CMKLR1: variants seen among roughly 807,000 people sequenced by gnomAD.
CMKLR1 encodes chemerin chemokine-like receptor 1.
A neutral mutation model predicts 8.2 loss-of-function variants in CMKLR1; 6 were observed. The ratio of observed to expected loss-of-function variants is 0.73; its 90% CI spans 0.40 to 1.44. CMKLR1 has a LOEUF of 1.44. Among genes scored for constraint, CMKLR1 ranks in the 40% most tolerant of loss-of-function variants. The pLI is 0.02. For synonymous variants in CMKLR1, 178 were observed against 181.2 expected (o/e 0.98, Z 0.14); for missense variants, 429 against 478.0 (o/e 0.90, Z 0.96).
rs534449753 is a variant in CMKLR1, at chr12:108,291,540, G to A, written c.*301C>T. 3 of 366,278 alleles carry A rather than the reference G, an allele frequency of 8.2e-6. No individual in the cohort carries two copies. The South Asian group carries it at 9.5e-5, about 12-fold the overall frequency. 22.7% of individuals were successfully genotyped at this position (366,278 alleles called of 1,614,324 possible). A position where few individuals can be genotyped will look rare whatever the true frequency, so the allele number is the denominator to read the frequency against. ...AGGCAGCTTAATCCCACCGCCCTAT[G>A]CCAATCCCAGTTCATGGCAATGCTT... On this transcript the variant is annotated 3_prime_UTR_variant, in exon 4 of 4. Coordinates refer to ENST00000550402, the MANE Select transcript of CMKLR1 (RefSeq NM_001142343.2).
chr12:108,296,604 T>A (rs1208642701), intron 2 of CMKLR1, among the ~76,000 whole-genome samples: 1 of 152,080 alleles, frequency 6.6e-6, no homozygotes, highest in Non-Finnish European at 1.5e-5. Context: ...GGTGGGAGGA[T>A]TACTTGAGGC....
chr12:108,299,317 C>G (rs1039330135), intron 2 of CMKLR1, among the ~76,000 whole-genome samples: 3 of 152,236 alleles, frequency 2.0e-5, no homozygotes, highest in African/African-American at 4.8e-5. Context: ...TCTTGACCAA[C>G]ACATTTGCTA....
At chr12:108,296,302 C>A (rs1891133085) in intron 2 of CMKLR1, among the ~76,000 whole-genome samples, 1 of 152,238 alleles carries the variant, frequency 6.6e-6, no homozygotes, top group African/African-American at 2.4e-5. Flanking sequence ...AATAATAGCT[C>A]CTGCCTCATA....
chr12:108,336,363 G>A (rs554863574), intron 1 of CMKLR1, among the ~76,000 whole-genome samples: 15 of 152,210 alleles, frequency 9.9e-5, no homozygotes, highest in African/African-American at 2.2e-4. Flanking sequence ...TGGCTAATAC[G>A]GTGAAACCCC....
At chr12:108,299,065 A>G (rs776931745) in intron 2 of CMKLR1, among the ~76,000 whole-genome samples, 3 of 152,234 alleles carry the variant, frequency 2.0e-5, no homozygotes, top group Admixed American at 6.5e-5. Context: ...CCCACCCCGC[A>G]TGCTGTGCAG....
In CMKLR1 at chr12:108,333,285, C is replaced by T. The variant is rs1273923760; in HGVS notation, c.-286-3078G>A. On this transcript the variant is annotated intron_variant, in intron 1 of 3. Coordinates refer to ENST00000550402, the MANE Select transcript of CMKLR1 (RefSeq NM_001142343.2). ...GACATTCTGCCTGGATAGCAGCTGA[C>T]CTCCCTGCTGAGTCAGCCGCTGGTA... 4.6e-5 allele frequency among the ~76,000 whole-genome samples: 7 copies of T among 152,236 alleles called. No individual in the cohort carries two copies. In the South Asian group the frequency reaches 1.0e-3, roughly 23 times the overall value.
chr12:108,305,410 G>A (rs898608878), intron 2 of CMKLR1, among the ~76,000 whole-genome samples: 12 of 152,240 alleles, frequency 7.9e-5, no homozygotes, highest in East Asian at 3.9e-4. Context: ...GTAATGAGGC[G>A]GGCCAGTCAC....
At chr12:108,316,717 A>C (rs1891743796) in intron 2 of CMKLR1, among the ~76,000 whole-genome samples, 2 of 152,198 alleles carry the variant, frequency 1.3e-5, no homozygotes, top group Non-Finnish European at 2.9e-5. Context: ...TTAAAAGCAC[A>C]GGAAAGGCAG....
In CMKLR1 at chr12:108,292,854, T is replaced by C. The variant is rs199548216; in HGVS notation, c.109A>G (p.Arg37Gly). 2.2e-5 allele frequency: 36 copies of C among 1,614,010 alleles called. 1 individual carries two copies. In the Middle Eastern group the frequency reaches 6.6e-4, roughly 29 times the overall value. ...ACCACCAGGAAGATCCTGGTCACCC[T>C]GGCTTCCAAGGGGGATAAGTCCTCC... The part of the protein sequence containing the change: ...VLEDLSPLEA[R>G]VTRIFLVVVY... Residue 37 changes from arginine to glycine, a missense_variant, in exon 4 of 4, where the codon AGG becomes GGG. Arg to Gly is a moderately radical substitution (Grantham distance 125). Transcript: ENST00000550402.
rs1890861790 is a variant in CMKLR1 at position 108,288,428 on chromosome 12, A to G, written c.*3413T>C. ...TTGAAGGTCCCTTATGGTTTTCACG[A>G]TTGGATTCTATCTTCTCCCACCCAT... On this transcript the variant is annotated 3_prime_UTR_variant, in exon 4 of 4. Coordinates refer to ENST00000550402, the MANE Select transcript of CMKLR1 (RefSeq NM_001142343.2). The G allele has an allele frequency of 6.6e-6, 1 of 152,128 alleles. No homozygotes were observed. The highest frequency in any genetic ancestry group is 2.4e-5 in the African/African-American group (1 of 41,388). 9.4% of individuals were successfully genotyped at this position (152,128 alleles called of 1,614,324 possible). A position where few individuals can be genotyped will look rare whatever the true frequency, so the allele number is the denominator to read the frequency against.
intron 2 of CMKLR1, among the ~76,000 whole-genome samples, chr12:108,323,681 T>C (rs1053210377): frequency 6.6e-6 from 1 of 152,208 alleles, no homozygotes; most frequent in Non-Finnish European, 1.5e-5. Context: ...TGCCATCTGG[T>C]CCAATGTGTA....
At chr12:108,330,923 G>T (rs963848986) in intron 1 of CMKLR1, among the ~76,000 whole-genome samples, 23 of 152,126 alleles carry the variant, frequency 1.5e-4, no homozygotes, top group Non-Finnish European at 2.8e-4. Flanking sequence ...TCAAACACAA[G>T]GCTGGCTGGG....
At position 108,291,854 on chromosome 12, in the gene CMKLR1, G is replaced by A. The variant is rs1890975364; in HGVS notation, c.1109C>T (p.Thr370Ile). The change falls in exon 4 of 4, where the codon ACC becomes ATC. Residue 370 changes from threonine (T) to isoleucine (I), a missense_variant. Physicochemically the swap from Thr to Ile is moderately conservative, Grantham distance 89 (BLOSUM62 -1). Transcript: ENST00000550402. ...NERTSMNERE[T>I]GML The stretch of plus-strand genomic sequence containing the variant: ...CCACAGTGAGGATCAAAGCATGCCG[G>A]TCTCCCTCTCATTCATAGAAGTCCT... The A allele has an allele frequency of 6.2e-7, 1 of 1,612,612 alleles. No homozygotes were observed. Among genetic ancestry groups the A allele is most frequent in the African/African-American group, 1.3e-5 (1 of 74,908 alleles).
In CMKLR1 at chr12:108,291,782, G is replaced by T; in HGVS notation, c.*59C>A. On this transcript the variant is annotated 3_prime_UTR_variant, in exon 4 of 4. Transcript: ENST00000550402. ...GAGGTTCTTGCCTTGATCTTCAGAA[G>T]ACATATCCTTGGGTGTCCCTGGGTT... The T allele has an allele frequency of 6.6e-7, 1 of 1,515,998 alleles. No individual in the cohort carries two copies. Among genetic ancestry groups the T allele is most frequent in the Non-Finnish European group, 8.9e-7 (1 of 1,121,340 alleles). 93.9% of individuals were successfully genotyped at this position (1,515,998 alleles called of 1,614,324 possible).
At chr12:108,306,225 G>A (rs1048200636) in intron 2 of CMKLR1, among the ~76,000 whole-genome samples, 1 of 152,264 alleles carries the variant, frequency 6.6e-6, no homozygotes, top group South Asian at 2.1e-4. Flanking sequence ...AGAGGTGTGC[G>A]GGTTGGCCAC....
intron 2 of CMKLR1, among the ~76,000 whole-genome samples, chr12:108,324,046 G>A (rs867475840): frequency 6.6e-6 from 1 of 152,138 alleles, no homozygotes; most frequent in Non-Finnish European, 1.5e-5. Context: ...GAGGTCTAGG[G>A]CTCCAGCAGG....
At position 108,292,782 on chromosome 12, in the gene CMKLR1, C is replaced by A; in HGVS notation, c.181G>T (p.Val61Leu). 6.2e-7 allele frequency: 1 copy of A among 1,614,150 alleles called. No individual in the cohort carries two copies. The highest frequency in any genetic ancestry group is 8.5e-7 in the Non-Finnish European group (1 of 1,180,028). ...ATCTTGAAGGTGGCAATGATGATCA[C>A]CAGACCATTGCCCAGAATCCCGAGG... ...CFLGILGNGL[V>L]IIIATFKMKK... is the part of the protein sequence containing the mutation. Residue 61 changes from valine to leucine, a missense_variant, in exon 4 of 4, where the codon GTG becomes TTG. By Grantham distance (32) the Val-to-Leu change is conservative. Transcript: ENST00000550402.
intron 2 of CMKLR1, among the ~76,000 whole-genome samples, chr12:108,318,993 G>A (rs1891796109): frequency 6.6e-6 from 1 of 152,130 alleles, no homozygotes; most frequent in Middle Eastern, 3.2e-3. Flanking sequence ...TGGACAACAG[G>A]GTGCCTGCCT....
chr12:108,311,199 G>A (rs917361325), intron 2 of CMKLR1, among the ~76,000 whole-genome samples: 6 of 152,212 alleles, frequency 3.9e-5, no homozygotes, highest in African/African-American at 1.2e-4. Context: ...TTTGGCCACA[G>A]TTATACAGCA....
Sources: gnomAD v4.1 joint callset for allele counts (sites outside exome capture counted in the v4.1 genomes callset) on GRCh38, gnomAD v4.1.1 for gene constraint, MANE v1.5 for transcripts, NCBI Gene and HGNC (gene_info 2026-07-23, HGNC 2026-07-21) for gene names.